The following PEAK1 variants were observed in gnomAD, a reference collection of about 807,000 sequenced individuals.
PEAK1 encodes pseudopodium enriched atypical kinase 1.
Under a neutral mutation model 124.7 loss-of-function variants are expected in PEAK1, and 54 were observed. The observed-to-expected ratio is 0.43, with a 90% CI of 0.35 to 0.54. PEAK1 has a LOEUF of 0.54. PEAK1 is among the 20% of genes least tolerant of loss of function. PEAK1 has a pLI of 0.01. For missense variants in PEAK1, 2,046 were observed against 2,134.5 expected (o/e 0.96, Z 0.82); for synonymous variants, 719 against 760.0 (o/e 0.95, Z 0.89).
At position 77,133,683 on chromosome 15, in the gene PEAK1, G is replaced by A; in HGVS notation, c.3399C>T (p.Ala1133=). ...GGTCTGTTTTCCCTCCAAAGGCGAT[G>A]GCATCGTCCACAGCTCCCTTGGGCT... ...PRQPKGAVDD[A]IAFGGKTDQE... Residue 1133 remains alanine, a synonymous_variant, in exon 9 of 10, where the codon GCC becomes GCT. Coordinates refer to ENST00000682557, the MANE Select transcript of PEAK1 (RefSeq NM_001385026.1). The surrounding 1 kb of genome is among the most constrained non-coding windows in gnomAD (Gnocchi z 4.2). 1.2e-6 allele frequency: 2 copies of A among 1,614,104 alleles called. No homozygotes were observed. The highest frequency in any genetic ancestry group is 1.7e-6 in the Non-Finnish European group (2 of 1,179,980).
intron 6 of PEAK1, among the ~76,000 whole-genome samples, chr15:77,195,311 C>A (rs1434583082): frequency 2.6e-5 from 4 of 152,102 alleles, no homozygotes; most frequent in Non-Finnish European, 5.9e-5. Context: ...TTTACTGTAT[C>A]ATTAAAGTTA....
chr15:77,115,640 C>T (rs557435603), intron 9 of PEAK1, among the ~76,000 whole-genome samples: 4 of 152,238 alleles, frequency 2.6e-5, no homozygotes, highest in African/African-American at 9.6e-5. Context: ...TTGTTTAATG[C>T]CAAAGCCTGC....
rs754118835 is a variant in PEAK1, at chr15:77,179,618, A to G, written c.2309T>C (p.Ile770Thr). The G allele has an allele frequency of 6.2e-7, 1 of 1,614,136 alleles. No homozygotes were observed. The highest frequency in any genetic ancestry group is 8.5e-7 in the Non-Finnish European group (1 of 1,180,012). ...CTGTGGGGGTTGGATTGAAGCCACA[A>G]TCTGAGAAAGCACTGTGCTTGCTTT... ...REKASTVLSQ[I>T]VASIQPPQSP... Residue 770 changes from isoleucine to threonine, a missense_variant, in exon 7 of 10, where the codon ATT (isoleucine) becomes ACT (threonine). Physicochemically the swap from Ile to Thr is moderately conservative, Grantham distance 89. Transcript: ENST00000682557.
At chr15:77,324,360 A>T (rs549398567) in intron 2 of PEAK1, among the ~76,000 whole-genome samples, 3 of 152,232 alleles carry the variant, frequency 2.0e-5, no homozygotes, top group African/African-American at 7.2e-5. Flanking sequence ...GGGTGCCTGT[A>T]AGCCCAGCTA....
In PEAK1 at chr15:77,417,482, T is replaced by C. The variant is rs2072981399; in HGVS notation, c.-666+2524A>G. 9.2e-6 allele frequency: 9 copies of C among 976,074 alleles called. No individual in the cohort carries two copies. The South Asian group carries it at 3.8e-4, about 41-fold the overall frequency. The allele number at this position is 976,074 out of a possible 1,614,324, so 60.5% of individuals were successfully genotyped here. A position where few individuals can be genotyped will look rare whatever the true frequency, so the allele number is the denominator to read the frequency against. ...GGCGGGGGGGGAGGGGGGCAAGAGG[T>C]AGGAATCACAGTAAAGAGATCAGCA... On this transcript the variant is annotated intron_variant, in intron 1 of 9. Coordinates refer to ENST00000682557, the MANE Select transcript of PEAK1 (RefSeq NM_001385026.1).
In PEAK1 at chr15:77,130,994, G is replaced by A. The variant is rs141615721; in HGVS notation, c.4077+2011C>T. Among the ~76,000 whole-genome samples, 718 of 152,282 alleles carry A rather than the reference G, an allele frequency of 4.7e-3. 4 individuals are homozygous for A. The highest frequency in any genetic ancestry group is 0.016 in the African/African-American group (664 of 41,566). ...ACCAGGATCTGAACCCAAATCTTTTGGACTTCAAAGTCCACACTTTATTTA... is the reference window on the plus strand; with the variant it reads ...ACCAGGATCTGAACCCAAATCTTTTAGACTTCAAAGTCCACACTTTATTTA... On this transcript the variant is annotated intron_variant, in intron 9 of 9. Transcript: ENST00000682557.
At chr15:77,290,889 G>A (rs550652004) in intron 2 of PEAK1, among the ~76,000 whole-genome samples, 4 of 152,220 alleles carry the variant, frequency 2.6e-5, no homozygotes, top group African/African-American at 9.6e-5. Context: ...AGAAACATAA[G>A]CAGCACAAAT....
chr15:77,226,123 G>A (rs2059665707), intron 6 of PEAK1, among the ~76,000 whole-genome samples: 1 of 125,656 alleles, frequency 8.0e-6, no homozygotes, highest in Non-Finnish European at 1.6e-5. Context: ...TGTGTGTAAT[G>A]TAATACAGAC....
chr15:77,121,275 G>C (rs1566992566), intron 9 of PEAK1, among the ~76,000 whole-genome samples: 1 of 151,906 alleles, frequency 6.6e-6, no homozygotes, highest in East Asian at 1.9e-4. Flanking sequence ...GCAGATACTT[G>C]TATCTTTAGG....
chr15:77,418,083 C>CT (rs751046382), intron 1 of PEAK1: 1 of 984,110 alleles, frequency 1.0e-6, no homozygotes, highest in Non-Finnish European at 1.2e-6. Context: ...AGGGTAGACT[C>CT]TTAAAAATGA....
At chr15:77,389,105 C>A (rs2070228963) in intron 1 of PEAK1, among the ~76,000 whole-genome samples, 1 of 151,902 alleles carries the variant, frequency 6.6e-6, no homozygotes, top group South Asian at 2.1e-4. Flanking sequence ...TACAGACATG[C>A]ACCAACTTTG....
intron 6 of PEAK1, among the ~76,000 whole-genome samples, chr15:77,250,543 C>T (rs146730752): frequency 0.011 from 1,599 of 152,206 alleles, 16 homozygotes; most frequent in South Asian, 0.031. Flanking sequence ...CGCCACTCTC[C>T]TGCCTCAGCC....
intron 7 of PEAK1, among the ~76,000 whole-genome samples, chr15:77,159,124 T>C (rs1596399011): frequency 6.6e-6 from 1 of 152,190 alleles, no homozygotes; most frequent in East Asian, 1.9e-4. Context: ...TTAATTTATA[T>C]ATAGTATTTA....
At chr15:77,418,925 T>C (rs2142214658) in intron 1 of PEAK1, 1 of 985,452 alleles carries the variant, frequency 1.0e-6, no homozygotes, top group East Asian at 1.1e-4. Context: ...GCTGTTCACG[T>C]ACATCATCCA....
chr15:77,381,571 G>A (rs1391414357), intron 1 of PEAK1: 1 of 624,702 alleles, frequency 1.6e-6, no homozygotes, highest in Non-Finnish European at 2.0e-6. Flanking sequence ...CACTTGTAAG[G>A]CATAGAGTCA....
In PEAK1 at chr15:77,404,976, C is replaced by G. The variant is rs112398520; in HGVS notation, c.-666+15030G>C. 9.9e-3 allele frequency among the ~76,000 whole-genome samples: 1,509 copies of G among 152,066 alleles called. 32 individuals carry two copies. Among genetic ancestry groups the G allele is most frequent in the African/African-American group, 0.035 (1,444 of 41,476 alleles). ...TTATAACTGATACATAAACTACATC[C>G]CTATTATATGTAGTATAAGGTCAAT... On this transcript the variant is annotated intron_variant, in intron 1 of 9. Transcript: ENST00000682557.
rs184691565 is a variant in PEAK1 at position 77,346,525 on chromosome 15, C to T, written c.-603+18638G>A. On this transcript the variant is annotated intron_variant, in intron 2 of 9. Transcript: ENST00000682557. The stretch of plus-strand genomic sequence containing the variant: ...TAATTGCTTTTATGACTAGGATGTA[C>T]GGGCTCAGACACCCACCTGGCAAGC... 5.6e-4 allele frequency: 549 copies of T among 985,300 alleles called. 3 individuals carry two copies. The African/African-American group carries it at 7.9e-3, about 14-fold the overall frequency. 61.0% of individuals were successfully genotyped at this position (985,300 alleles called of 1,614,324 possible).
chr15:77,178,906 A>G lies in PEAK1; in HGVS notation c.3021T>C (p.Ala1007=), dbSNP rs2057053791. 1 of 1,613,878 alleles carries G rather than the reference A, an allele frequency of 6.2e-7. No homozygotes were observed. The highest frequency in any genetic ancestry group is 1.7e-5 in the Admixed American group (1 of 59,978). The change falls in exon 7 of 10, where the codon GCT becomes GCC. Residue 1007 remains alanine, a synonymous_variant. Coordinates refer to ENST00000682557, the MANE Select transcript of PEAK1 (RefSeq NM_001385026.1). Reference sequence around the variant, plus strand: ...CCATGACTGCTGCCTGGTCTGTCCTAGCCTTGCTCTGATCCACACTGAGCT... The same window carrying G: ...CCATGACTGCTGCCTGGTCTGTCCTGGCCTTGCTCTGATCCACACTGAGCT... ...QGQLSVDQSK[A]RTDQAAVMEK...
rs866679750 is a variant in PEAK1 at position 77,257,412 on chromosome 15, T to C, written c.-274-4886A>G. 4.3e-4 allele frequency among the ~76,000 whole-genome samples: 65 copies of C among 149,498 alleles called. 1 individual carries two copies. Among genetic ancestry groups the C allele is most frequent in the South Asian group, 2.0e-3 (9 of 4,598 alleles). On this transcript the variant is annotated intron_variant, in intron 5 of 9. Transcript: ENST00000682557. ...TGTTGTTTCCTGACTTTTTAATGATTGCCATTCTAACTGGTGTGAGATGGT... is the reference window on the plus strand; with the variant it reads ...TGTTGTTTCCTGACTTTTTAATGATCGCCATTCTAACTGGTGTGAGATGGT...
Sources: allele counts gnomAD v4.1 joint callset (sites outside exome capture counted in the v4.1 genomes callset), GRCh38; gene constraint gnomAD v4.1.1; non-coding constraint Gnocchi (gnomAD v3.1); transcripts MANE v1.5; gene names NCBI Gene and HGNC (gene_info 2026-07-23, HGNC 2026-07-21).